Variants in ZNF273 observed in about 807,000 individuals in gnomAD.
ZNF273 encodes zinc finger protein 9.
A neutral mutation model predicts 14.9 loss-of-function variants in ZNF273; 11 were observed. That is an observed-to-expected ratio of 0.74 (90% CI 0.46 to 1.22). ZNF273 has a LOEUF of 1.22. Ranked by LOEUF, ZNF273 falls within the 50% of genes most tolerant of loss-of-function variation. The pLI, the probability that ZNF273 is intolerant of heterozygous loss-of-function variation, is 0.00. For synonymous variants in ZNF273, 199 were observed against 223.9 expected (o/e 0.89, Z 0.99); for missense variants, 577 against 660.6 (o/e 0.87, Z 1.39).
At chr7:64,899,821 C>T (rs533707635), upstream of ZNF273, among the ~76,000 whole-genome samples, 5 of 147,840 alleles carry the variant, frequency 3.4e-5, no homozygotes, top group Admixed American at 2.0e-4. Flanking sequence ...AGTGCAATGG[C>T]GTGATCTTGG....
At chr7:64,914,688 T>A (rs1793827330) in intron 1 of ZNF273, among the ~76,000 whole-genome samples, 1 of 152,190 alleles carries the variant, frequency 6.6e-6, no homozygotes, top group East Asian at 1.9e-4. Flanking sequence ...TTTATTTTTA[T>A]CTCTGTGGAG....
intron 1 of ZNF273, among the ~76,000 whole-genome samples, chr7:64,887,788 G>T (rs530950393): frequency 6.6e-6 from 1 of 151,442 alleles, no homozygotes; most frequent in African/African-American, 2.4e-5. Flanking sequence ...ATGAGCCACC[G>T]TGCCCTGTCT....
At chr7:64,886,983 G>T (rs952212010) in intron 1 of ZNF273, among the ~76,000 whole-genome samples, 1 of 152,160 alleles carries the variant, frequency 6.6e-6, no homozygotes, top group Admixed American at 6.5e-5. Context: ...GCAGATCTGT[G>T]CTGGGCATTT....
intron 1 of ZNF273, chr7:64,888,430 G>A: frequency 1.0e-6 from 1 of 985,834 alleles, no homozygotes; most frequent in Non-Finnish European, 1.2e-6. Context: ...GCTGGACAGG[G>A]AAGGGCCTGG....
chr7:64,914,008 T>C (rs914014334), intron 1 of ZNF273, among the ~76,000 whole-genome samples: 1 of 151,916 alleles, frequency 6.6e-6, no homozygotes, highest in Non-Finnish European at 1.5e-5. Context: ...AATTGTCGTT[T>C]TCGCCTTTTT....
intron 1 of ZNF273, among the ~76,000 whole-genome samples, chr7:64,908,179 C>T (rs931297455): frequency 6.6e-6 from 1 of 152,386 alleles, no homozygotes; most frequent in East Asian, 1.9e-4. Context: ...CCCCCCTGGG[C>T]CACTATCTGA....
chr7:64,922,896 G>A (rs1441809959), intron 3 of ZNF273, among the ~76,000 whole-genome samples: 1 of 152,068 alleles, frequency 6.6e-6, no homozygotes, highest in African/African-American at 2.4e-5. Flanking sequence ...AGCTGAGGAT[G>A]TGGAGGCTGC....
Position 64,930,426 on chromosome 7 carries a change from A to G in ZNF273, c.*1388A>G, listed in dbSNP as rs1190251280. ...TATAGTGAAAAATTTTTAATATTAA[A>G]ATTCAATTATATCATTTTATGAATT... On this transcript the variant is annotated 3_prime_UTR_variant, in exon 4 of 4. Coordinates refer to ENST00000476120, the MANE Select transcript of ZNF273 (RefSeq NM_021148.3). The G allele has an allele frequency of 6.6e-6, 1 of 152,158 alleles. No individual in the cohort carries two copies. The highest frequency in any genetic ancestry group is 6.5e-5 in the Admixed American group (1 of 15,276). 9.4% of individuals were successfully genotyped at this position (152,158 alleles called of 1,614,324 possible).
intron 1 of ZNF273, among the ~76,000 whole-genome samples, chr7:64,886,465 T>C (rs1320522729): frequency 2.0e-5 from 3 of 152,092 alleles, no homozygotes; most frequent in East Asian, 1.9e-4. Flanking sequence ...GTGGAGAAAA[T>C]TTAACTCTAC....
intron 1 of ZNF273, among the ~76,000 whole-genome samples, chr7:64,888,141 C>G (rs983947888): frequency 5.9e-5 from 9 of 152,172 alleles, no homozygotes; most frequent in Admixed American, 5.9e-4. Context: ...GAACCTCTAC[C>G]AGACCTGTGC....
Position 64,903,383 on chromosome 7 carries a change from A to C in ZNF273, c.66A>C (p.Thr22=). The part of the protein sequence containing the change: ...APLPAGIGRS[T]AKTPGLPGSL... ...TACCTGCAGGTATTGGGAGATCCAC[A>C]GCTAAGACGCCAGGACTCCCTGGAA... The change falls in exon 1 of 4, where the codon ACA becomes ACC. Residue 22 remains threonine (T), a synonymous_variant. Transcript: ENST00000476120. The C allele has an allele frequency of 1.2e-6, 2 of 1,613,534 alleles. No individual in the cohort carries two copies. The highest frequency in any genetic ancestry group is 1.7e-6 in the Non-Finnish European group (2 of 1,179,578).
intron 1 of ZNF273, among the ~76,000 whole-genome samples, chr7:64,885,313 G>A (rs1260017115): frequency 6.6e-6 from 1 of 152,230 alleles, no homozygotes; most frequent in Non-Finnish European, 1.5e-5. Flanking sequence ...ACAAGTCACT[G>A]CCTCTCCTGC....
At chr7:64,919,082 T>C (rs556528505) in intron 3 of ZNF273, among the ~76,000 whole-genome samples, 1 of 152,326 alleles carries the variant, frequency 6.6e-6, no homozygotes, top group Admixed American at 6.5e-5. Flanking sequence ...GAAATATAGT[T>C]TGAAATTTTA....
downstream of ZNF273, among the ~76,000 whole-genome samples, chr7:64,893,257 T>C (rs1792146102): frequency 6.6e-6 from 1 of 152,224 alleles, no homozygotes; most frequent in Admixed American, 6.5e-5. Flanking sequence ...CTGTGACATT[T>C]TGATATAACC....
intron 1 of ZNF273, among the ~76,000 whole-genome samples, chr7:64,913,407 A>G (rs1160467602): frequency 6.6e-6 from 1 of 152,266 alleles, no homozygotes; most frequent in Non-Finnish European, 1.5e-5. Flanking sequence ...GGATTCAATC[A>G]CATAATGTGT....
At chr7:64,912,151 G>GATTTTAA (rs1793560810) in intron 1 of ZNF273, among the ~76,000 whole-genome samples, 1 of 152,122 alleles carries the variant, frequency 6.6e-6, no homozygotes, top group Admixed American at 6.6e-5. Flanking sequence ...TAGAGTCGAC[G>GATTTTAA]TGGTTTCACC....
At chr7:64,935,902 T>TA (rs1192119747), downstream of ZNF273, among the ~76,000 whole-genome samples, 10 of 152,290 alleles carry the variant, frequency 6.6e-5, no homozygotes, top group African/African-American at 1.4e-4. Flanking sequence ...CAAAAATTGA[T>TA]AAAAAATCAA....
chr7:64,895,009 T>C (rs2129047560), intron 3 of ZNF273, among the ~76,000 whole-genome samples: 1 of 151,458 alleles, frequency 6.6e-6, no homozygotes, highest in South Asian at 2.1e-4. Context: ...TGGCAGCGTG[T>C]ACCTGTAATC....
At chr7:64,895,221 TTAA>T (rs754460995) in intron 3 of ZNF273, among the ~76,000 whole-genome samples, 1 of 152,254 alleles carries the variant, frequency 6.6e-6, no homozygotes, top group Non-Finnish European at 1.5e-5. Flanking sequence ...AAGTCTTGTG[TTAA>T]TCACAGTAAG....
Sources: gnomAD v4.1 joint callset for allele counts (sites outside exome capture counted in the v4.1 genomes callset) on GRCh38, gnomAD v4.1.1 for gene constraint, MANE v1.5 for transcripts, NCBI Gene and HGNC (gene_info 2026-07-23, HGNC 2026-07-21) for gene names.